Variants in DSCAM observed in about 807,000 individuals in gnomAD.
DSCAM encodes cell adhesion molecule DSCAM.
Under a neutral mutation model 217.7 loss-of-function variants are expected in DSCAM, and 47 were observed. That is an observed-to-expected ratio of 0.22 (90% CI 0.17 to 0.28). The LOEUF (loss-of-function observed/expected upper bound fraction) is 0.28, where lower values mean the gene tolerates loss of function less well. Among genes scored for constraint, DSCAM ranks in the 10% least tolerant of loss-of-function variants. The pLI is 1.00. For synonymous variants in DSCAM, 1,056 were observed against 1,015.3 expected (o/e 1.04, Z -0.76); for missense variants, 2,080 against 2,618.3 (o/e 0.79, Z 4.49).
chr21:40,409,215 A>C (rs1009442705), intron 3 of DSCAM, among the ~76,000 whole-genome samples: 1 of 152,166 alleles, frequency 6.6e-6, no homozygotes, highest in Non-Finnish European at 1.5e-5. Context: ...ATTAGAATGT[A>C]ATTTGTATTT....
intron 3 of DSCAM, among the ~76,000 whole-genome samples, chr21:40,510,275 A>C (rs910642394): frequency 6.6e-6 from 1 of 152,208 alleles, no homozygotes; most frequent in Non-Finnish European, 1.5e-5. Flanking sequence ...TATGAAATTG[A>C]AGGGAAAATT....
chr21:40,207,512 T>C (rs2091138808), intron 11 of DSCAM, among the ~76,000 whole-genome samples: 1 of 152,238 alleles, frequency 6.6e-6, no homozygotes, highest in African/African-American at 2.4e-5. Flanking sequence ...ATTAATTAGA[T>C]AAATGTGCAT....
intron 20 of DSCAM, among the ~76,000 whole-genome samples, chr21:40,099,311 T>A (rs553584926): frequency 6.6e-6 from 1 of 152,334 alleles, no homozygotes; most frequent in South Asian, 2.1e-4. Flanking sequence ...ACAAGATTTG[T>A]TTCATCATTT....
In DSCAM at chr21:40,144,464, C is replaced by T; in HGVS notation, c.3259+27G>A. 2 of 1,611,278 alleles carry T rather than the reference C, an allele frequency of 1.2e-6. No homozygotes were observed. Among genetic ancestry groups the T allele is most frequent in the Non-Finnish European group, 1.7e-6 (2 of 1,177,908 alleles). On this transcript the variant is annotated intron_variant, in intron 17 of 32. Transcript: ENST00000400454. This position sits in a 1 kb window ranked among gnomAD's most constrained non-coding sequence, Gnocchi z 4.8. ...GAGGGAACCTTTGCGGAGGGAAAAG[C>T]CACGACCAGGCCCCGGCCGAACCTA...
At chr21:40,571,590 G>C (rs1232249435) in intron 3 of DSCAM, among the ~76,000 whole-genome samples, 1 of 152,098 alleles carries the variant, frequency 6.6e-6, no homozygotes, top group East Asian at 1.9e-4. Context: ...AAATCTGCAG[G>C]AAAGAATGAA....
chr21:40,231,984 T>C (rs550290863), intron 11 of DSCAM, among the ~76,000 whole-genome samples: 4 of 152,352 alleles, frequency 2.6e-5, no homozygotes, highest in Non-Finnish European at 5.9e-5. Context: ...TTTTAGGTGA[T>C]TAATATTTAT....
At chr21:40,710,099 G>C (rs1297110365) in intron 1 of DSCAM, among the ~76,000 whole-genome samples, 3 of 152,118 alleles carry the variant, frequency 2.0e-5, no homozygotes, top group Non-Finnish European at 4.4e-5. Context: ...GTGATGATGA[G>C]CTTTTTTTCA....
At chr21:40,681,060 G>T (rs936950279) in intron 3 of DSCAM, among the ~76,000 whole-genome samples, 1 of 152,230 alleles carries the variant, frequency 6.6e-6, no homozygotes, top group African/African-American at 2.4e-5. Flanking sequence ...TTGTAATCAA[G>T]GGTAACTTTT....
intron 3 of DSCAM, among the ~76,000 whole-genome samples, chr21:40,505,231 G>C (rs2076200922): frequency 6.6e-6 from 1 of 152,322 alleles, no homozygotes; most frequent in African/African-American, 2.4e-5. Flanking sequence ...GTGACAGGCA[G>C]CTGGGTTCAA....
chr21:40,510,680 A>G (rs1431423947), intron 3 of DSCAM, among the ~76,000 whole-genome samples: 4 of 152,206 alleles, frequency 2.6e-5, no homozygotes, highest in African/African-American at 9.6e-5. Flanking sequence ...CAGAAGTTAC[A>G]ATCATTGGCT....
At chr21:40,299,926 A>C (rs2073996149) in intron 9 of DSCAM, among the ~76,000 whole-genome samples, 1 of 152,194 alleles carries the variant, frequency 6.6e-6, no homozygotes, top group African/African-American at 2.4e-5. Flanking sequence ...AGCCCCCACA[A>C]GGAGTCACTT....
chr21:40,509,312 G>A (rs35554635), intron 3 of DSCAM, among the ~76,000 whole-genome samples: 9,401 of 152,270 alleles, frequency 0.062, 408 homozygotes, highest in Non-Finnish European at 0.098. Context: ...TAATGCCCAA[G>A]ATGTCAAACC....
intron 3 of DSCAM, among the ~76,000 whole-genome samples, chr21:40,644,211 G>A (rs1380059936): frequency 6.6e-6 from 1 of 152,178 alleles, no homozygotes; most frequent in African/African-American, 2.4e-5. Context: ...ATGGGTTAAT[G>A]GATGAACACG....
At chr21:40,211,925 G>A (rs2091188668) in intron 11 of DSCAM, among the ~76,000 whole-genome samples, 1 of 151,280 alleles carries the variant, frequency 6.6e-6, no homozygotes, top group Admixed American at 6.6e-5. Flanking sequence ...AAATTTGTGT[G>A]TGTGTGGGTT....
chr21:40,518,993 G>A (rs1347809797), intron 3 of DSCAM, among the ~76,000 whole-genome samples: 1 of 152,078 alleles, frequency 6.6e-6, no homozygotes, highest in African/African-American at 2.4e-5. Flanking sequence ...ATAATGTTAA[G>A]TACTTCATTT....
At chr21:40,065,363 AGT>A (rs2146525094) in intron 27 of DSCAM, among the ~76,000 whole-genome samples, 1 of 152,200 alleles carries the variant, frequency 6.6e-6, no homozygotes, top group African/African-American at 2.4e-5. Flanking sequence ...CCATAGAGAG[AGT>A]GCAAAAAGAA....
chr21:40,296,461 A>G (rs1464648656), intron 9 of DSCAM, among the ~76,000 whole-genome samples: 1 of 152,190 alleles, frequency 6.6e-6, no homozygotes, highest in African/African-American at 2.4e-5. Flanking sequence ...AAGGGATGGA[A>G]TATTTTGCTT....
At chr21:40,540,345 C>T (rs775022497) in intron 3 of DSCAM, among the ~76,000 whole-genome samples, 5 of 152,146 alleles carry the variant, frequency 3.3e-5, no homozygotes, top group Non-Finnish European at 7.3e-5. Flanking sequence ...GAACCAATTC[C>T]TCTCTCCCCT....
intron 29 of DSCAM, among the ~76,000 whole-genome samples, chr21:40,053,770 A>C (rs967500229): frequency 3.9e-5 from 6 of 152,142 alleles, no homozygotes; most frequent in Admixed American, 2.6e-4. Flanking sequence ...TCATATTTAC[A>C]AATGGAAATG....
Sources: gnomAD v4.1 joint callset for allele counts (sites outside exome capture counted in the v4.1 genomes callset) on GRCh38, gnomAD v4.1.1 for gene constraint, Gnocchi (gnomAD v3.1) non-coding constraint, MANE v1.5 for transcripts, NCBI Gene and HGNC (gene_info 2026-07-23, HGNC 2026-07-21) for gene names.